Variants in SGMS1 observed in about 807,000 individuals in gnomAD.
SGMS1 encodes phosphatidylcholine:ceramide cholinephosphotransferase 1.
A neutral mutation model predicts 46.2 loss-of-function variants in SGMS1; 13 were observed. The observed-to-expected ratio is 0.28, with a 90% confidence interval of 0.18 to 0.45. The LOEUF (loss-of-function observed/expected upper bound fraction) is 0.45. Ranked by LOEUF, SGMS1 falls within the 20% of genes least tolerant of loss-of-function variation. SGMS1 has a pLI of 1.00. For missense variants in SGMS1, 324 were observed against 519.9 expected (o/e 0.62, Z 3.66); for synonymous variants, 203 against 187.8 (o/e 1.08, Z -0.66).
At chr10:50,356,768 G>C (rs112903277) in intron 6 of SGMS1, among the ~76,000 whole-genome samples, 23 of 152,050 alleles carry the variant, frequency 1.5e-4, no homozygotes, top group African/African-American at 5.3e-4. Flanking sequence ...GTCCTTTGTA[G>C]GGACATGGAT....
chr10:50,323,263 T>C (rs1263314753), intron 8 of SGMS1, among the ~76,000 whole-genome samples: 1 of 152,166 alleles, frequency 6.6e-6, no homozygotes, highest in African/African-American at 2.4e-5. Flanking sequence ...ACATTTTGAG[T>C]ACTGGCATTA....
chr10:50,599,117 C>T (rs1409446770), intron 1 of SGMS1, among the ~76,000 whole-genome samples: 1 of 152,056 alleles, frequency 6.6e-6, no homozygotes, highest in Non-Finnish European at 1.5e-5. Context: ...TGGAATAACT[C>T]AAGAATCAAA....
At chr10:50,580,236 A>G (rs1336764276) in intron 2 of SGMS1, among the ~76,000 whole-genome samples, 1 of 152,138 alleles carries the variant, frequency 6.6e-6, no homozygotes, top group East Asian at 1.9e-4. Flanking sequence ...TAAGTCCACA[A>G]GAGGCCTTGT....
At chr10:50,599,082 T>C (rs1193467008) in intron 1 of SGMS1, among the ~76,000 whole-genome samples, 1 of 152,184 alleles carries the variant, frequency 6.6e-6, no homozygotes, top group Non-Finnish European at 1.5e-5. Context: ...AAGAGAGCTT[T>C]CACAGGGGCT....
At chr10:50,338,978 T>C (rs1039687697) in intron 7 of SGMS1, among the ~76,000 whole-genome samples, 6 of 152,154 alleles carry the variant, frequency 3.9e-5, no homozygotes, top group Admixed American at 2.6e-4. Flanking sequence ...CCTCAGGTGA[T>C]CCACTTGCCT....
At chr10:50,590,321 C>A (rs918773040) in intron 1 of SGMS1, 74 bp from the exon 2 acceptor site, 1 of 152,180 alleles carries the variant, frequency 6.6e-6, no homozygotes, top group Admixed American at 6.5e-5. Flanking sequence ...CAGTTGAGAA[C>A]GTGTTCTTAA....
intron 2 of SGMS1, among the ~76,000 whole-genome samples, chr10:50,541,108 C>A (rs1651291938): frequency 6.6e-6 from 1 of 152,152 alleles, no homozygotes; most frequent in Non-Finnish European, 1.5e-5. Flanking sequence ...GCGTTGGAGA[C>A]CTTGGGAAAG....
chr10:50,495,434 T>C (rs1418902705), intron 3 of SGMS1, among the ~76,000 whole-genome samples: 1 of 152,072 alleles, frequency 6.6e-6, no homozygotes, highest in Admixed American at 6.5e-5. Context: ...GCAAGCAGGA[T>C]AGAAACCATG....
chr10:50,315,111 G>A (rs997248615), intron 8 of SGMS1, among the ~76,000 whole-genome samples: 17 of 152,128 alleles, frequency 1.1e-4, no homozygotes, highest in African/African-American at 4.1e-4. Context: ...GAGAAGCCCT[G>A]AACCAGCCTA....
chr10:50,441,547 TATGTAAGAACATA>T (rs1165384190), intron 5 of SGMS1, among the ~76,000 whole-genome samples: 1 of 152,188 alleles, frequency 6.6e-6, no homozygotes, highest in Non-Finnish European at 1.5e-5. Context: ...AACTCAAAGG[TATGTAAGAACATA>T]ACCAGTCCAG....
At chr10:50,366,458 C>A (rs1035460159) in intron 6 of SGMS1, among the ~76,000 whole-genome samples, 1 of 152,166 alleles carries the variant, frequency 6.6e-6, no homozygotes, top group African/African-American at 2.4e-5. Context: ...TGGGCATATA[C>A]CCAAAGGATT....
chr10:50,623,594 C>A (rs1407792565), intron 1 of SGMS1, 113 bp downstream of exon 1: 1 of 985,388 alleles, frequency 1.0e-6, no homozygotes. Context: ...CGCCCCCTCG[C>A]CCCAGAGCAG....
At chr10:50,524,066 T>C (rs1172677127) in intron 2 of SGMS1, among the ~76,000 whole-genome samples, 1 of 152,244 alleles carries the variant, frequency 6.6e-6, no homozygotes, top group Non-Finnish European at 1.5e-5. Flanking sequence ...AAGTTATACC[T>C]TTCTTTGGTT....
At chr10:50,378,726 G>A (rs1006963522) in intron 6 of SGMS1, among the ~76,000 whole-genome samples, 1 of 152,122 alleles carries the variant, frequency 6.6e-6, no homozygotes, top group Non-Finnish European at 1.5e-5. Flanking sequence ...TTTTAAGTGG[G>A]ATTAATCACT....
intron 6 of SGMS1, among the ~76,000 whole-genome samples, chr10:50,394,095 A>G (rs1848811123): frequency 1.3e-5 from 2 of 152,214 alleles, no homozygotes; most frequent in Admixed American, 1.3e-4. Context: ...CCATTCTGAC[A>G]TCTTTCTGCT....
chr10:50,532,010 G>A (rs11006054), intron 2 of SGMS1, among the ~76,000 whole-genome samples: 24,096 of 152,054 alleles, frequency 0.16, 2,357 homozygotes, highest in East Asian at 0.29. Flanking sequence ...CACACAGAAG[G>A]CCCTTGAATA....
rs891277086 is a variant in SGMS1, at chr10:50,530,036, C to T, written c.-588-10115G>A. On this transcript the variant is annotated intron_variant, in intron 2 of 10. Transcript: ENST00000361781. ...CAGGCCCTCTGTATACTAAATACTC[C>T]TAAATAGCCACCGTCTTTCTCAATC... Among the ~76,000 whole-genome samples, 13 of 152,138 alleles carry T rather than the reference C, an allele frequency of 8.5e-5. No homozygotes were observed. In the East Asian group the frequency reaches 2.3e-3, roughly 27 times the overall value.
intron 7 of SGMS1, chr10:50,342,790 G>C (rs1269039613): frequency 6.6e-6 from 1 of 152,208 alleles, no homozygotes; most frequent in Non-Finnish European, 1.5e-5. Flanking sequence ...AGTCTGAGGG[G>C]GTCCATGTTG....
Position 50,311,423 on chromosome 10 carries a change from A to C in SGMS1, c.742-8T>G. The C allele has an allele frequency of 6.2e-7, 1 of 1,611,242 alleles. No homozygotes were observed. Among genetic ancestry groups the C allele is most frequent in the South Asian group, 1.1e-5 (1 of 90,904 alleles). ...TTCCCAGTCTCCGAAAAGCTGGCAG[A>C]AAAAAAGAAAAGAAGAAAAAGAAGA... On this transcript the variant is annotated splice_polypyrimidine_tract_variant and splice_region_variant and intron_variant, in intron 8 of 10. Transcript: ENST00000361781.
Sources: gnomAD v4.1 joint callset for allele counts (sites outside exome capture counted in the v4.1 genomes callset) on GRCh38, gnomAD v4.1.1 for gene constraint, MANE v1.5 for transcripts, NCBI Gene and HGNC (gene_info 2026-07-23, HGNC 2026-07-21) for gene names.